The following B3GNT5 variants were observed in gnomAD, a reference collection of about 807,000 sequenced individuals.
The protein encoded by B3GNT5 is UDP-GlcNAc:betaGal beta-1,3-N-acetylglucosaminyltransferase 5.
In B3GNT5, 11 loss-of-function variants were observed where a neutral mutation model predicts 25.9. The observed-to-expected ratio is 0.42, with a 90% confidence interval of 0.27 to 0.70. B3GNT5 has a LOEUF of 0.70. Among genes scored for constraint, B3GNT5 ranks in the 30% least tolerant of loss-of-function variants. The pLI, the probability that B3GNT5 is intolerant of heterozygous loss-of-function variation, is 0.23. For synonymous variants in B3GNT5, 166 were observed against 158.6 expected, an observed-to-expected ratio of 1.05 and a Z score of -0.35; for missense variants, 385 against 458.4, an observed-to-expected ratio of 0.84 and a Z score of 1.46.
chr3:183,264,410 T>C (rs1340597299), intron 1 of B3GNT5, among the ~76,000 whole-genome samples: 1 of 152,248 alleles, frequency 6.6e-6, no homozygotes, highest in Non-Finnish European at 1.5e-5. Context: ...TACCAGGATT[T>C]GCCCATTGTT....
At chr3:183,258,115 G>A (rs888528414) in intron 1 of B3GNT5, among the ~76,000 whole-genome samples, 3 of 151,956 alleles carry the variant, frequency 2.0e-5, no homozygotes, top group South Asian at 2.1e-4. Flanking sequence ...TTACAGGCAT[G>A]CTCCACCACA....
rs1726724402 is a variant in B3GNT5 at position 183,271,004 on chromosome 3, T to C, written c.*69T>C. On this transcript the variant is annotated 3_prime_UTR_variant, in exon 2 of 2. Coordinates refer to ENST00000326505, the MANE Select transcript of B3GNT5 (RefSeq NM_032047.5). Reference sequence around the variant, plus strand: ...CTGGATGAAAAAAACCTTTAAATGTTCGTCTATACCCTAAGTAAAATGAGG... The same window carrying C: ...CTGGATGAAAAAAACCTTTAAATGTCCGTCTATACCCTAAGTAAAATGAGG... 7.1e-7 allele frequency: 1 copy of C among 1,402,574 alleles called. No homozygotes were observed. Among genetic ancestry groups the C allele is most frequent in the Non-Finnish European group, 9.7e-7 (1 of 1,035,548 alleles). The allele number at this position is 1,402,574 out of a possible 1,614,324, so 86.9% of individuals were successfully genotyped here. A position where few individuals can be genotyped will look rare whatever the true frequency, so the allele number is the denominator to read the frequency against.
At position 183,271,698 on chromosome 3, in the gene B3GNT5, G is replaced by A. The variant is rs1465395112; in HGVS notation, c.*763G>A. The A allele has an allele frequency of 1.2e-5, 2 of 166,850 alleles. No individual in the cohort carries two copies. Among genetic ancestry groups the A allele is most frequent in the Non-Finnish European group, 2.9e-5 (2 of 68,070 alleles). The allele number at this position is 166,850 out of a possible 1,614,324, so 10.3% of individuals were successfully genotyped here. ...GGTTGCTCATAGGGTCCTTCTCTAGGGAGAAACCATTGTTAATTCAAATAA... is the reference window on the plus strand; with the variant it reads ...GGTTGCTCATAGGGTCCTTCTCTAGAGAGAAACCATTGTTAATTCAAATAA... On this transcript the variant is annotated 3_prime_UTR_variant, in exon 2 of 2. Transcript: ENST00000326505.
chr3:183,264,085 G>A (rs1725872116), intron 1 of B3GNT5, among the ~76,000 whole-genome samples: 1 of 152,040 alleles, frequency 6.6e-6, no homozygotes, highest in African/African-American at 2.4e-5. Flanking sequence ...ACTGAGCAAG[G>A]GAGTTACTAT....
In B3GNT5 at chr3:183,272,610, A is replaced by C; in HGVS notation, c.*1675A>C. The C allele has an allele frequency of 2.0e-6, 2 of 998,568 alleles. No homozygotes were observed. The highest frequency in any genetic ancestry group is 2.4e-6 in the Non-Finnish European group (2 of 828,380). The allele number at this position is 998,568 out of a possible 1,614,324, so 61.9% of individuals were successfully genotyped here. A position where few individuals can be genotyped will look rare whatever the true frequency, so the allele number is the denominator to read the frequency against. On this transcript the variant is annotated 3_prime_UTR_variant, in exon 2 of 2. Coordinates refer to ENST00000326505, the MANE Select transcript of B3GNT5 (RefSeq NM_032047.5). Reference sequence around the variant, plus strand: ...TAATGTCAAAACTACAGTGTCAAACATTCTAGGTTGTAGTTACTTTCAGAG... The same window carrying C: ...TAATGTCAAAACTACAGTGTCAAACCTTCTAGGTTGTAGTTACTTTCAGAG...
In B3GNT5 at chr3:183,270,520, A is replaced by T; in HGVS notation, c.722A>T (p.Tyr241Phe). ...AAAAGCAGCAAATACTACGTGTCCT[A>T]TGAAATGTACCAGTGGCCAGCTTAC... ...RDKSSKYYVS[Y>F]EMYQWPAYPD... The change falls in exon 2 of 2, where the codon TAT becomes TTT. Residue 241 changes from tyrosine to phenylalanine, a missense_variant. Transcript: ENST00000326505. The surrounding 1 kb of genome is among the most constrained non-coding windows in gnomAD (Gnocchi z 4.5). 6.2e-7 allele frequency: 1 copy of T among 1,614,164 alleles called. No individual in the cohort carries two copies. The highest frequency in any genetic ancestry group is 1.7e-5 in the Admixed American group (1 of 60,034).
In B3GNT5 at chr3:183,269,514, ACATGGGAGAGCCG is replaced by A; in HGVS notation, c.-280_-268del. 1 of 341,776 alleles carries A rather than the reference ACATGGGAGAGCCG, an allele frequency of 2.9e-6. No homozygotes were observed. Among genetic ancestry groups the A allele is most frequent in the Admixed American group, 4.6e-5 (1 of 21,600 alleles). 21.2% of individuals were successfully genotyped at this position (341,776 alleles called of 1,614,324 possible). A position where few individuals can be genotyped will look rare whatever the true frequency, so the allele number is the denominator to read the frequency against. On this transcript the variant is annotated 5_prime_UTR_variant, in exon 2 of 2. An upstream start codon of the reference 5' UTR is lost. Transcript: ENST00000326505. The stretch of plus-strand genomic sequence containing the variant: ...CTGTGATAGGTGGCATGGAATATTC[ACATGGGAGAGCCG>A]CATGAGGCCGCCCACCACGCTTCCT...
intron 1 of B3GNT5, among the ~76,000 whole-genome samples, chr3:183,258,661 C>T (rs1022931007): frequency 6.6e-6 from 1 of 152,200 alleles, no homozygotes; most frequent in Non-Finnish European, 1.5e-5. Flanking sequence ...CCCTGATATC[C>T]ATGCATGCTC....
chr3:183,270,914 T>C lies in B3GNT5; in HGVS notation c.1116T>C (p.Pro372=). ...LCKISYVDTY[P]CRAAFI is the part of the protein sequence containing the mutation. ...AAATTAGCTATGTGGACACATACCC[T>C]TGTAGGGCTGCGTTTATCTAATAGT... is the stretch of plus-strand genomic sequence containing the variant. Residue 372 remains proline (P), a synonymous_variant, in exon 2 of 2, where the codon CCT becomes CCC. Coordinates refer to ENST00000326505, the MANE Select transcript of B3GNT5 (RefSeq NM_032047.5). The surrounding 1 kb of genome is among the most constrained non-coding windows in gnomAD (Gnocchi z 4.5). The C allele has an allele frequency of 6.3e-7, 1 of 1,587,980 alleles. No homozygotes were observed. The highest frequency in any genetic ancestry group is 1.2e-5 in the South Asian group (1 of 86,278).
intron 1 of B3GNT5, among the ~76,000 whole-genome samples, chr3:183,262,904 T>A (rs1725753593): frequency 6.6e-6 from 1 of 151,864 alleles, no homozygotes; most frequent in Admixed American, 6.6e-5. Context: ...CCTGGAGGTG[T>A]CATAGGAACA....
intron 1 of B3GNT5, chr3:183,253,823 T>G (rs1402036004): frequency 6.6e-6 from 1 of 152,238 alleles, no homozygotes; most frequent in Non-Finnish European, 1.5e-5. Flanking sequence ...GCGGAGTTAG[T>G]CTGTGGTCAG....
intron 1 of B3GNT5, among the ~76,000 whole-genome samples, chr3:183,261,885 G>C (rs1032120734): frequency 3.4e-5 from 5 of 149,212 alleles, no homozygotes; most frequent in African/African-American, 1.2e-4. Context: ...ATTCTAGATT[G>C]GTGTTTTTCA....
Position 183,267,910 on chromosome 3 carries a change from A to G in B3GNT5, c.-301-1588A>G, listed in dbSNP as rs1367359455. ...CACCCCCGGCATGGTTCTTTGCACC[A>G]ACATTTGGGGAATGCCTACCAGGGG... On this transcript the variant is annotated intron_variant, in intron 1 of 1. Transcript: ENST00000326505. This position sits in a 1 kb window ranked among gnomAD's most constrained non-coding sequence, Gnocchi z 5.5. Among the ~76,000 whole-genome samples the G allele has an allele frequency of 6.6e-6, 1 of 152,190 alleles. No individual in the cohort carries two copies. The highest frequency in any genetic ancestry group is 1.5e-5 in the Non-Finnish European group (1 of 68,020).
In B3GNT5 at chr3:183,272,480, C is replaced by G. The variant is rs1236520151; in HGVS notation, c.*1545C>G. 1 of 998,370 alleles carries G rather than the reference C, an allele frequency of 1.0e-6. No homozygotes were observed. The highest frequency in any genetic ancestry group is 1.7e-5 in the African/African-American group (1 of 57,202). The allele number at this position is 998,370 out of a possible 1,614,324, so 61.8% of individuals were successfully genotyped here. ...ATACACAACTGAATGATGATACTTA[C>G]AATTTTTAGCAGGTAGCTTTTTAAT... On this transcript the variant is annotated 3_prime_UTR_variant, in exon 2 of 2. Coordinates refer to ENST00000326505, the MANE Select transcript of B3GNT5 (RefSeq NM_032047.5).
intron 1 of B3GNT5, among the ~76,000 whole-genome samples, chr3:183,261,096 T>C (rs1445035107): frequency 6.6e-6 from 1 of 152,238 alleles, no homozygotes; most frequent in Non-Finnish European, 1.5e-5. Context: ...CATTTCACAT[T>C]GCCTCCTTCC....
chr3:183,270,448 A>T lies in B3GNT5; in HGVS notation c.650A>T (p.Asp217Val), dbSNP rs754899411. The change falls in exon 2 of 2, where the codon GAC (aspartate) becomes GTC (valine). Residue 217 changes from aspartate (D) to valine (V), a missense_variant. Coordinates refer to ENST00000326505, the MANE Select transcript of B3GNT5 (RefSeq NM_032047.5). This position sits in a 1 kb window ranked among gnomAD's most constrained non-coding sequence, Gnocchi z 4.5. ...LQSLEQIGVQ[D>V]FWIGRVHRGA... Reference sequence around the variant, plus strand: ...AGTTTAGAACAAATTGGTGTTCAAGACTTTTGGATTGGTCGTGTTCATCGT... The same window carrying T: ...AGTTTAGAACAAATTGGTGTTCAAGTCTTTTGGATTGGTCGTGTTCATCGT... 1 of 1,614,182 alleles carries T rather than the reference A, an allele frequency of 6.2e-7. No individual in the cohort carries two copies. The highest frequency in any genetic ancestry group is 1.1e-5 in the South Asian group (1 of 91,080).
At position 183,273,335 on chromosome 3, in the gene B3GNT5, T is replaced by C. The variant is rs1282928295; in HGVS notation, c.*2400T>C. The C allele has an allele frequency of 8.1e-6, 2 of 246,404 alleles. No individual in the cohort carries two copies. Among genetic ancestry groups the C allele is most frequent in the Non-Finnish European group, 1.7e-5 (2 of 120,968 alleles). 15.3% of individuals were successfully genotyped at this position (246,404 alleles called of 1,614,324 possible). A position where few individuals can be genotyped will look rare whatever the true frequency, so the allele number is the denominator to read the frequency against. ...ATTTTGCTCTTGTATGGCAAAATAA[T>C]TAGTGAGTTTAAAAAAAATCTATAG... is the stretch of plus-strand genomic sequence containing the variant. On this transcript the variant is annotated 3_prime_UTR_variant, in exon 2 of 2. Coordinates refer to ENST00000326505, the MANE Select transcript of B3GNT5 (RefSeq NM_032047.5).
At chr3:183,262,719 G>C (rs767370565) in intron 1 of B3GNT5, among the ~76,000 whole-genome samples, 8 of 151,402 alleles carry the variant, frequency 5.3e-5, no homozygotes, top group African/African-American at 7.3e-5. Flanking sequence ...TCTTCAGGGT[G>C]GGGGGGACAG....
rs534109346 is a variant in B3GNT5, at chr3:183,271,130, C to CAAAG, written c.*198_*201dup. 26 of 471,620 alleles carry CAAAG rather than the reference C, an allele frequency of 5.5e-5. No homozygotes were observed. The highest frequency in any genetic ancestry group is 1.0e-4 in the African/African-American group (5 of 49,082). The allele number at this position is 471,620 out of a possible 1,614,324, so 29.2% of individuals were successfully genotyped here. A position where few individuals can be genotyped will look rare whatever the true frequency, so the allele number is the denominator to read the frequency against. On this transcript the variant is annotated 3_prime_UTR_variant, in exon 2 of 2. Transcript: ENST00000326505. ...TCTACTTCATTGCCTAAGTTCATTT[C>CAAAG]AAAGAATTTGTATTTAGAAAAGGTT... is the stretch of plus-strand genomic sequence containing the variant.
Sources: gnomAD v4.1 joint callset for allele counts (sites outside exome capture counted in the v4.1 genomes callset) on GRCh38, gnomAD v4.1.1 for gene constraint, Gnocchi (gnomAD v3.1) non-coding constraint, MANE v1.5 for transcripts, NCBI Gene and HGNC (gene_info 2026-07-23, HGNC 2026-07-21) for gene names.